The following RPS6KA3 variants were observed in gnomAD, a reference collection of about 807,000 sequenced individuals.
RPS6KA3 encodes ribosomal protein S6 kinase alpha-3.
RPS6KA3 carries 4 observed loss-of-function variants against 67.2 expected under a neutral mutation model. That is an observed-to-expected ratio of 0.06 (90% CI 0.03 to 0.14). RPS6KA3 has a LOEUF of 0.14. RPS6KA3 is among the 10% of genes least tolerant of loss of function. The probability of loss-of-function intolerance (pLI) is 1.00; values close to 1 mark genes in which losing one functional copy is unlikely to be tolerated. For synonymous variants in RPS6KA3, 182 were observed against 183.7 expected, an observed-to-expected ratio of 0.99 and a Z score of 0.07; for missense variants, 204 against 559.0, an observed-to-expected ratio of 0.36 and a Z score of 6.40.
rs1261524085 is a variant in RPS6KA3, at chrX:20,257,108, C to T, written c.69+9456G>A. On this transcript the variant is annotated intron_variant, in intron 1 of 21. Coordinates refer to ENST00000379565, the MANE Select transcript of RPS6KA3 (RefSeq NM_004586.3). ...TTTAACCCTTCTAGGCTTCAGTTTC[C>T]TCATCTGTAAGTTGAGGATAATTCT... Among the ~76,000 whole-genome samples the T allele has an allele frequency of 2.8e-4, 31 of 111,871 alleles. No individual in the cohort carries two copies. In the Admixed American group the frequency reaches 2.9e-3, roughly 11 times the overall value.
chrX:20,215,992 ATAT>A (rs1415317225), intron 2 of RPS6KA3, among the ~76,000 whole-genome samples: 9 of 89,684 alleles, frequency 1.0e-4, no homozygotes, highest in African/African-American at 5.1e-4. Context: ...TTATGGAAAA[ATAT>A]TATGTTAATA....
intron 2 of RPS6KA3, among the ~76,000 whole-genome samples, chrX:20,230,087 G>A (rs2069222365): frequency 8.9e-6 from 1 of 112,536 alleles, no homozygotes; most frequent in South Asian, 3.7e-4. Context: ...TTTGGAGAGG[G>A]TAGGAATCTG....
chrX:20,178,644 T>TC (rs1314154178), intron 10 of RPS6KA3, among the ~76,000 whole-genome samples: 1 of 83,712 alleles, frequency 1.2e-5, no homozygotes, highest in Non-Finnish European at 2.2e-5. Flanking sequence ...GGCTTTTTTT[T>TC]TTTTTTTTTT....
In RPS6KA3 at chrX:20,176,341, T is replaced by G. The variant is rs2067699098; in HGVS notation, c.1011A>C (p.Arg337Ser). The G allele has an allele frequency of 8.5e-7, 1 of 1,174,917 alleles. No homozygotes were observed. Among genetic ancestry groups the G allele is most frequent in the Non-Finnish European group, 1.2e-6 (1 of 864,307 alleles). Residue 337 changes from arginine to serine, a missense_variant, in exon 13 of 22, where the codon AGA becomes AGC. Coordinates refer to ENST00000379565, the MANE Select transcript of RPS6KA3 (RefSeq NM_004586.3). ...FSTIDWNKLY[R>S]REIHPPFKPA... ...GTTTAAATGGCGGATGAATTTCTCT[T>G]CTATACAGTTTCTGGAGGGGAAAAA...
chrX:20,262,230 T>C (rs938450223), intron 1 of RPS6KA3, among the ~76,000 whole-genome samples: 9 of 112,044 alleles, frequency 8.0e-5, no homozygotes, highest in Non-Finnish European at 1.5e-4. Context: ...CAAATCTTGT[T>C]AATTATCACA....
chrX:20,205,287 T>C (rs2068547740), intron 3 of RPS6KA3, among the ~76,000 whole-genome samples: 1 of 112,774 alleles, frequency 8.9e-6, no homozygotes, highest in African/African-American at 3.2e-5. Context: ...TCCCTATCCA[T>C]TCTTTTGTAG....
chrX:20,216,429 G>A (rs181493486), intron 2 of RPS6KA3, among the ~76,000 whole-genome samples: 4 of 110,938 alleles, frequency 3.6e-5, no homozygotes, highest in Non-Finnish European at 7.5e-5. Flanking sequence ...TCTTCTAGGC[G>A]CTGGGATATA....
intron 11 of RPS6KA3, among the ~76,000 whole-genome samples, 177 bp downstream of exon 11, chrX:20,176,819 T>C (rs930344896): frequency 8.9e-6 from 1 of 111,736 alleles, no homozygotes; most frequent in African/African-American, 3.3e-5. Context: ...CTTGAACTCC[T>C]GGACTCAAGT....
At chrX:20,197,129 C>G (rs1197669991) in intron 4 of RPS6KA3, among the ~76,000 whole-genome samples, 1 of 112,708 alleles carries the variant, frequency 8.9e-6, no homozygotes, top group Non-Finnish European at 1.9e-5. Flanking sequence ...CACGGGCCAC[C>G]ACGCCCAGCC....
Position 20,249,820 on chromosome X carries a change from T to C in RPS6KA3, c.70-15006A>G, listed in dbSNP as rs113248974. On this transcript the variant is annotated intron_variant, in intron 1 of 21. Coordinates refer to ENST00000379565, the MANE Select transcript of RPS6KA3 (RefSeq NM_004586.3). ...ATAGAATTTGCTTTTGGTCTCAGGT[T>C]TAAATGCTTCATTTAGCCCACAGTC... Among the ~76,000 whole-genome samples the C allele has an allele frequency of 8.6e-4, 97 of 112,558 alleles. 1 individual carries two copies. The highest frequency in any genetic ancestry group is 3.1e-3 in the African/African-American group (95 of 30,979).
intron 1 of RPS6KA3, among the ~76,000 whole-genome samples, chrX:20,246,046 A>T (rs1419532265): frequency 9.8e-6 from 1 of 102,004 alleles, no homozygotes. Flanking sequence ...TTAACCTGGG[A>T]GGCGGAGGCT....
At position 20,209,259 on chromosome X, in the gene RPS6KA3, T is replaced by C. The variant is rs745923085; in HGVS notation, c.243+29A>G. On this transcript the variant is annotated intron_variant, in intron 3 of 21. Coordinates refer to ENST00000379565, the MANE Select transcript of RPS6KA3 (RefSeq NM_004586.3). Reference sequence around the variant, plus strand: ...AATACATATGAATTGAAAAGACAACTCTTAAAAAAGCACACACTCATGACT... The same window carrying C: ...AATACATATGAATTGAAAAGACAACCCTTAAAAAAGCACACACTCATGACT... 13 of 827,799 alleles carry C rather than the reference T, an allele frequency of 1.6e-5. No homozygotes were observed. The South Asian group carries it at 2.6e-4, about 17-fold the overall frequency. The allele number at this position is 827,799 out of a possible 1,213,427, so 68.2% of individuals were successfully genotyped here.
chrX:20,188,418 T>C, intron 8 of RPS6KA3, 79 bp downstream of exon 8: 1 of 573,280 alleles, frequency 1.7e-6, no homozygotes, highest in Middle Eastern at 4.8e-4. Context: ...TTACTCAATA[T>C]TTGTACCACA....
chrX:20,266,535 G>A, intron 1 of RPS6KA3, 29 bp downstream of exon 1: 2 of 1,121,526 alleles, frequency 1.8e-6, no homozygotes, highest in East Asian at 3.3e-5. Context: ...GAGGAGATGC[G>A]CCGGCCCCGG....
Position 20,153,926 on chromosome X carries a change from G to A in RPS6KA3, c.*1472C>T. 1 of 112,174 alleles carries A rather than the reference G, an allele frequency of 8.9e-6. No homozygotes were observed. The highest frequency in any genetic ancestry group is 4.6e-3 in the Middle Eastern group (1 of 216). The allele number at this position is 112,174 out of a possible 1,213,427, so 9.2% of individuals were successfully genotyped here. A position where few individuals can be genotyped will look rare whatever the true frequency, so the allele number is the denominator to read the frequency against. On this transcript the variant is annotated 3_prime_UTR_variant, in exon 22 of 22. Transcript: ENST00000379565. ...GTGAGCCACTGCGCCCGGCCTGTAG[G>A]GGCACATTCTTGATGAGGTAAGTTA...
chrX:20,266,408 T>A (rs370299533), intron 1 of RPS6KA3, among the ~76,000 whole-genome samples, 156 bp downstream of exon 1: 1 of 110,567 alleles, frequency 9.0e-6, no homozygotes, highest in African/African-American at 3.3e-5. Flanking sequence ...GACCGGCCAA[T>A]AGACCCACCC....
At chrX:20,205,796 T>C (rs752532800) in intron 3 of RPS6KA3, among the ~76,000 whole-genome samples, 42 of 112,723 alleles carry the variant, frequency 3.7e-4, no homozygotes, top group Non-Finnish European at 6.6e-4. Context: ...TCCCTAACCA[T>C]TCTGCAAGAA....
At chrX:20,229,270 C>T (rs1037317366) in intron 2 of RPS6KA3, among the ~76,000 whole-genome samples, 1 of 111,826 alleles carries the variant, frequency 8.9e-6, no homozygotes, top group Non-Finnish European at 1.9e-5. Context: ...CTTATCATTA[C>T]ATTCTGCATT....
chrX:20,172,442 C>T (rs1200494887), intron 15 of RPS6KA3, among the ~76,000 whole-genome samples: 1 of 111,406 alleles, frequency 9.0e-6, no homozygotes. Flanking sequence ...AATTTGCTGA[C>T]ACCCTGAGCA....
Sources: gnomAD v4.1 joint callset for allele counts (sites outside exome capture counted in the v4.1 genomes callset) on GRCh38, gnomAD v4.1.1 for gene constraint, MANE v1.5 for transcripts, NCBI Gene and HGNC (gene_info 2026-07-23, HGNC 2026-07-21) for gene names.